Variants in YWHAH observed in about 807,000 individuals in gnomAD.
YWHAH encodes tyrosine 3-monooxygenase/tryptophan 5-monooxygenase activation protein eta, also known as 14-3-3 protein eta.
In YWHAH, 6 loss-of-function variants were observed where a neutral mutation model predicts 22.9. That is an observed-to-expected ratio of 0.26 (90% confidence interval 0.14 to 0.52). YWHAH has a LOEUF of 0.52. YWHAH is among the 20% of genes least tolerant of loss of function. The pLI, the probability that YWHAH is intolerant of heterozygous loss-of-function variation, is 0.97. For synonymous variants in YWHAH, 135 were observed against 124.5 expected (o/e 1.08, Z -0.56); for missense variants, 173 against 308.6 (o/e 0.56, Z 3.29).
chr22:31,945,826 G>T (rs2093833594), intron 1 of YWHAH: 4 of 587,484 alleles, frequency 6.8e-6, no homozygotes, highest in Non-Finnish European at 2.4e-6. Flanking sequence ...AAATTCGGGC[G>T]GTGAGACTCA....
rs944426877 is a variant in YWHAH, at chr22:31,957,350, C to G, written c.*558C>G. 1.3e-5 allele frequency: 2 copies of G among 152,164 alleles called. No individual in the cohort carries two copies. The highest frequency in any genetic ancestry group is 4.8e-5 in the African/African-American group (2 of 41,248). 9.4% of individuals were successfully genotyped at this position (152,164 alleles called of 1,614,324 possible). A position where few individuals can be genotyped will look rare whatever the true frequency, so the allele number is the denominator to read the frequency against. The stretch of plus-strand genomic sequence containing the variant: ...TTGGTTTTGCCTCTTTAAATTATGA[C>G]GTGCACAAACCTTCTTTTCAATGCA... On this transcript the variant is annotated 3_prime_UTR_variant, in exon 2 of 2. Transcript: ENST00000248975.
chr22:31,949,044 A>G (rs767547442), intron 1 of YWHAH, among the ~76,000 whole-genome samples: 1 of 151,934 alleles, frequency 6.6e-6, no homozygotes, highest in Non-Finnish European at 1.5e-5. Context: ...CTGTAGCGTC[A>G]CACTTTTCCA....
intron 1 of YWHAH, chr22:31,950,388 T>C: frequency 2.6e-6 from 2 of 779,616 alleles, no homozygotes; most frequent in South Asian, 1.3e-5. Flanking sequence ...CTCCCGCCCC[T>C]ACTCCTGGCT....
At chr22:31,945,072 C>CG (rs1361530006) in intron 1 of YWHAH, 2 of 1,096,410 alleles carry the variant, frequency 1.8e-6, no homozygotes, top group Non-Finnish European at 2.2e-6. Flanking sequence ...GGAAGGGGGG[C>CG]GGGCCGGTCG....
chr22:31,946,735 A>T (rs1462165979), intron 1 of YWHAH, among the ~76,000 whole-genome samples: 1 of 152,372 alleles, frequency 6.6e-6, no homozygotes, highest in East Asian at 1.9e-4. Flanking sequence ...TGAGCAGAGA[A>T]AAAGACTGGC....
At chr22:31,951,979 G>C (rs1463490100) in intron 1 of YWHAH, among the ~76,000 whole-genome samples, 1 of 152,166 alleles carries the variant, frequency 6.6e-6, no homozygotes, top group African/African-American at 2.4e-5. Context: ...TGTGAGCAGG[G>C]GTGGCGAAAC....
intron 1 of YWHAH, chr22:31,950,353 C>CT (rs2093841570): frequency 1.3e-6 from 1 of 779,410 alleles, no homozygotes; most frequent in African/African-American, 1.7e-5. Flanking sequence ...GGCAGCTTGT[C>CT]TTCTGTCCCA....
chr22:31,947,679 T>C (rs1370823614), intron 1 of YWHAH, among the ~76,000 whole-genome samples: 1 of 152,202 alleles, frequency 6.6e-6, no homozygotes, highest in Non-Finnish European at 1.5e-5. Context: ...GAAGAAATAT[T>C]GTGAAAGATT....
intron 1 of YWHAH, chr22:31,945,081 C>T (rs2093831773): frequency 9.1e-7 from 1 of 1,093,364 alleles, no homozygotes; most frequent in East Asian, 6.1e-5. Context: ...GCGGGCCGGT[C>T]GGGGTCGCCA....
At chr22:31,950,602 T>C (rs1031279588) in intron 1 of YWHAH, among the ~76,000 whole-genome samples, 18 of 152,236 alleles carry the variant, frequency 1.2e-4, no homozygotes, top group Non-Finnish European at 2.2e-4. Flanking sequence ...GTCTCTTGGC[T>C]ATACAAGGGT....
At chr22:31,950,076 C>CTTTTTTTTTTTTTTTTTTTTTTTT (rs557406783) in intron 1 of YWHAH, among the ~76,000 whole-genome samples, 1 of 42,154 alleles carries the variant, frequency 2.4e-5, no homozygotes. Flanking sequence ...GCTTGGAGGC[C>CTTTTTTTTTTTTTTTTTTTTTTTT]TTTTTTTTTT....
Position 31,956,784 on chromosome 22 carries a change from G to C in YWHAH, c.733G>C (p.Gly245Arg). The change falls in exon 2 of 2, where the codon GGC (glycine) becomes CGC (arginine). Residue 245 changes from glycine (G) to arginine (R), a missense_variant. By Grantham distance (125) the Gly-to-Arg change is moderately radical. Transcript: ENST00000248975. This position sits in a 1 kb window ranked among gnomAD's most constrained non-coding sequence, Gnocchi z 5.1. ...CCAGCAGGATGAAGAAGCAGGAGAA[G>C]GCAACTGAAGATCCTTCAGGTCCCC... ...SDQQDEEAGE[G>R]N 1 of 1,594,608 alleles carries C rather than the reference G, an allele frequency of 6.3e-7. No homozygotes were observed. Among genetic ancestry groups the C allele is most frequent in the South Asian group, 1.1e-5 (1 of 88,602 alleles).
chr22:31,954,435 T>C (rs575026094), intron 1 of YWHAH, among the ~76,000 whole-genome samples: 5 of 152,322 alleles, frequency 3.3e-5, no homozygotes, highest in African/African-American at 1.2e-4. Context: ...TTTTCTTTGC[T>C]TGGGCCCAGA....
chr22:31,949,677 CAATT>C (rs2093840327), intron 1 of YWHAH, among the ~76,000 whole-genome samples: 1 of 152,110 alleles, frequency 6.6e-6, no homozygotes, highest in Non-Finnish European at 1.5e-5. Context: ...TCTTGTTTAA[CAATT>C]CAGGATAGGT....
At chr22:31,954,203 T>C (rs1434128071) in intron 1 of YWHAH, among the ~76,000 whole-genome samples, 1 of 152,250 alleles carries the variant, frequency 6.6e-6, no homozygotes, top group Non-Finnish European at 1.5e-5. Context: ...CCTTACAGAT[T>C]GGTTTAAGTA....
intron 1 of YWHAH, among the ~76,000 whole-genome samples, chr22:31,954,791 T>C (rs2093847504): frequency 6.6e-6 from 1 of 152,180 alleles, no homozygotes; most frequent in Non-Finnish European, 1.5e-5. Context: ...AGGACACCTG[T>C]AATTGCACTT....
chr22:31,951,121 T>G (rs1394931140), intron 1 of YWHAH, among the ~76,000 whole-genome samples: 1 of 152,134 alleles, frequency 6.6e-6, no homozygotes, highest in East Asian at 1.9e-4. Context: ...TCGTACTCCC[T>G]GGCCTCAAGT....
At chr22:31,944,973 G>A in intron 1 of YWHAH, 153 bp downstream of exon 1, 1 of 1,119,306 alleles carries the variant, frequency 8.9e-7, no homozygotes. Flanking sequence ...CGCGCTTCCC[G>A]CTCCCGCTGG....
chr22:31,951,473 G>A (rs2093843252), intron 1 of YWHAH, among the ~76,000 whole-genome samples: 2 of 152,184 alleles, frequency 1.3e-5, no homozygotes, highest in South Asian at 2.1e-4. Flanking sequence ...CAGCTCGGGG[G>A]TGGCATTTTT....
Sources: allele counts gnomAD v4.1 joint callset (sites outside exome capture counted in the v4.1 genomes callset), GRCh38; gene constraint gnomAD v4.1.1; non-coding constraint Gnocchi (gnomAD v3.1); transcripts MANE v1.5; gene names NCBI Gene and HGNC (gene_info 2026-07-23, HGNC 2026-07-21).